Variants in PRKCQ observed in about 807,000 individuals in gnomAD.
The protein encoded by PRKCQ is protein kinase C theta.
PRKCQ carries 41 observed loss-of-function variants against 91.2 expected under a neutral mutation model. That is an observed-to-expected ratio of 0.45 (90% CI 0.35 to 0.58). The LOEUF (loss-of-function observed/expected upper bound fraction) is 0.58, where lower values mean the gene tolerates loss of function less well. Among genes scored for constraint, PRKCQ ranks in the 20% least tolerant of loss-of-function variants. The probability of loss-of-function intolerance (pLI) is 0.00; values close to 1 mark genes in which losing one functional copy is unlikely to be tolerated. For synonymous variants in PRKCQ, 307 were observed against 316.9 expected, an observed-to-expected ratio of 0.97 and a Z score of 0.33; for missense variants, 673 against 896.5, an observed-to-expected ratio of 0.75 and a Z score of 3.18.
intron 1 of PRKCQ, among the ~76,000 whole-genome samples, chr10:6,553,109 G>A (rs1258122957): frequency 1.3e-5 from 2 of 152,102 alleles, no homozygotes; most frequent in African/African-American, 4.8e-5. Flanking sequence ...AAACTTCAAG[G>A]TACAGAATGA....
intron 1 of PRKCQ, among the ~76,000 whole-genome samples, chr10:6,521,774 T>A (rs1026014179): frequency 6.6e-6 from 1 of 152,144 alleles, no homozygotes; most frequent in Non-Finnish European, 1.5e-5. Context: ...GAGCACTTAC[T>A]ACCCTCTGAT....
intron 1 of PRKCQ, among the ~76,000 whole-genome samples, chr10:6,531,067 G>A (rs1037597856): frequency 6.6e-6 from 1 of 152,038 alleles, no homozygotes; most frequent in Non-Finnish European, 1.5e-5. Flanking sequence ...TGTTCTCAGA[G>A]ATGGTCCTGG....
At chr10:6,405,155 G>A in the PRKCQ span, among the ~76,000 whole-genome samples, 2 of 152,056 alleles carry the variant, frequency 1.3e-5, no homozygotes, top group African/African-American at 4.8e-5. Context: ...CTAATTTTTT[G>A]TATTTTTGGT....
intron 1 of PRKCQ, among the ~76,000 whole-genome samples, chr10:6,575,571 T>G (rs559130293): frequency 6.6e-6 from 1 of 152,318 alleles, no homozygotes; most frequent in Admixed American, 6.5e-5. Context: ...GTGAGTTGTA[T>G]TTCCTCCATT....
At chr10:6,453,928 G>A (rs1224051091) in intron 15 of PRKCQ, among the ~76,000 whole-genome samples, 1 of 151,890 alleles carries the variant, frequency 6.6e-6, no homozygotes, top group Non-Finnish European at 1.5e-5. Context: ...TTGTGGGGTG[G>A]GGGGAGCGGG....
chr10:6,534,797 T>TATAG (rs1457939835), intron 1 of PRKCQ, among the ~76,000 whole-genome samples: 2 of 147,206 alleles, frequency 1.4e-5, no homozygotes, highest in African/African-American at 2.5e-5. Flanking sequence ...TATATAGATA[T>TATAG]ATATATATAT....
At chr10:6,396,299 C>T in the PRKCQ span, among the ~76,000 whole-genome samples, 5 of 152,130 alleles carry the variant, frequency 3.3e-5, no homozygotes, top group African/African-American at 9.7e-5. Context: ...ATTCACACAG[C>T]GTAACATTTA....
chr10:6,457,969 G>A (rs1035763168), intron 14 of PRKCQ, among the ~76,000 whole-genome samples: 1 of 151,336 alleles, frequency 6.6e-6, no homozygotes. Context: ...CCCCTGAGAC[G>A]AGGTCTTTCC....
intron 13 of PRKCQ, 93 bp downstream of exon 13, chr10:6,464,220 A>C: frequency 3.7e-6 from 4 of 1,079,366 alleles, no homozygotes; most frequent in South Asian, 1.4e-5. Context: ...TGGCCCTGGG[A>C]TTCAGGCATG....
At chr10:6,472,113 C>T (rs1220413554) in intron 12 of PRKCQ, among the ~76,000 whole-genome samples, 1 of 152,164 alleles carries the variant, frequency 6.6e-6, no homozygotes, top group Admixed American at 6.5e-5. Flanking sequence ...TTGAGACTAT[C>T]CTGGCTAACA....
In PRKCQ at chr10:6,465,187, T is replaced by A. The variant is rs904984066; in HGVS notation, c.1354-783A>T. 2.0e-5 allele frequency among the ~76,000 whole-genome samples: 3 copies of A among 152,202 alleles called. No homozygotes were observed. The highest frequency in any genetic ancestry group is 4.4e-5 in the Non-Finnish European group (3 of 68,026). On this transcript the variant is annotated intron_variant, in intron 12 of 17. Transcript: ENST00000263125. This position sits in a 1 kb window ranked among gnomAD's most constrained non-coding sequence, Gnocchi z 4.4. ...GTAATTAGCTACTGAGCATATTCTG[T>A]GGGCGTGGCGTGGGGGGAGTGGGCG...
At chr10:6,533,696 C>T (rs1018890322) in intron 1 of PRKCQ, among the ~76,000 whole-genome samples, 8 of 152,014 alleles carry the variant, frequency 5.3e-5, no homozygotes, top group Non-Finnish European at 1.0e-4. Flanking sequence ...GACAGGTTAC[C>T]GGAACAAAAC....
chr10:6,513,054 C>T (rs566012382), intron 2 of PRKCQ, among the ~76,000 whole-genome samples: 2 of 152,270 alleles, frequency 1.3e-5, no homozygotes, highest in African/African-American at 4.8e-5. Flanking sequence ...GGGCAAAAGT[C>T]CCCAAAGCAA....
At chr10:6,545,221 G>C (rs1385326537) in intron 1 of PRKCQ, among the ~76,000 whole-genome samples, 1 of 152,194 alleles carries the variant, frequency 6.6e-6, no homozygotes, top group East Asian at 1.9e-4. Flanking sequence ...TTATCATTTA[G>C]AAAGGGAAGA....
chr10:6,507,860 C>G (rs556795769), intron 3 of PRKCQ, among the ~76,000 whole-genome samples: 22 of 152,330 alleles, frequency 1.4e-4, no homozygotes, highest in African/African-American at 5.3e-4. Flanking sequence ...GGCACTGGGA[C>G]TGGCTTCCTT....
At chr10:6,510,028 AT>A (rs1368256341) in intron 3 of PRKCQ, among the ~76,000 whole-genome samples, 1 of 152,130 alleles carries the variant, frequency 6.6e-6, no homozygotes, top group East Asian at 1.9e-4. Flanking sequence ...TTTTGGGTGG[AT>A]TTCTTAAAAT....
rs181807676 is a variant in PRKCQ at position 6,505,648 on chromosome 10, T to C, written c.379+1788A>G. ...CCTTCCTTCCCTCCCTTCCTTCCTT[T>C]CCTTTCCTTTCTTTCCTTTCTTTCT... On this transcript the variant is annotated intron_variant, in intron 4 of 17. Coordinates refer to ENST00000263125, the MANE Select transcript of PRKCQ (RefSeq NM_006257.5). 4.3e-3 allele frequency among the ~76,000 whole-genome samples: 638 copies of C among 148,906 alleles called. 6 individuals carry two copies. The highest frequency in any genetic ancestry group is 7.3e-3 in the Non-Finnish European group (489 of 67,086).
At chr10:6,485,016 G>A in intron 10 of PRKCQ, 136 bp downstream of exon 10, 1 of 719,006 alleles carries the variant, frequency 1.4e-6, no homozygotes, top group Non-Finnish European at 2.3e-6. Context: ...TAAGAAGTGG[G>A]AGCCTCTTAG....
intron 1 of PRKCQ, among the ~76,000 whole-genome samples, chr10:6,552,740 C>A (rs1588415986): frequency 6.6e-6 from 1 of 152,090 alleles, no homozygotes; most frequent in Non-Finnish European, 1.5e-5. Flanking sequence ...GTGCTGGGAT[C>A]ACAGGTGTGA....
Sources: allele counts gnomAD v4.1 joint callset (sites outside exome capture counted in the v4.1 genomes callset), GRCh38; gene constraint gnomAD v4.1.1; non-coding constraint Gnocchi (gnomAD v3.1); transcripts MANE v1.5; gene names NCBI Gene and HGNC (gene_info 2026-07-23, HGNC 2026-07-21).